CCNYL1: variants seen among roughly 807,000 people sequenced by gnomAD.
CCNYL1 encodes the protein cyclin Y like 1, also known as cyclin-Y-like protein 1.
A neutral mutation model predicts 44.2 loss-of-function variants in CCNYL1; 16 were observed. The observed-to-expected ratio is 0.36, with a 90% CI of 0.25 to 0.55. CCNYL1 has a LOEUF of 0.55. Among genes scored for constraint, CCNYL1 ranks in the 20% least tolerant of loss-of-function variants. The pLI, the probability that CCNYL1 is intolerant of heterozygous loss-of-function variation, is 0.85. For missense variants in CCNYL1, 348 were observed against 451.8 expected, an observed-to-expected ratio of 0.77 and a Z score of 2.08; for synonymous variants, 159 against 163.2, an observed-to-expected ratio of 0.97 and a Z score of 0.20.
rs1259594808 is a variant in CCNYL1 at position 207,756,071 on chromosome 2, T to C, written c.*2373T>C. 6.6e-6 allele frequency: 1 copy of C among 152,214 alleles called. No homozygotes were observed. The highest frequency in any genetic ancestry group is 1.5e-5 in the Non-Finnish European group (1 of 68,024). The allele number at this position is 152,214 out of a possible 1,614,324, so 9.4% of individuals were successfully genotyped here. On this transcript the variant is annotated 3_prime_UTR_variant, in exon 10 of 10. Transcript: ENST00000295414. ...TTTATGGAATTCAGAGTTTGGAGATTCAAGTATTGATTGCAGTTTTATTTT... is the reference window on the plus strand; with the variant it reads ...TTTATGGAATTCAGAGTTTGGAGATCCAAGTATTGATTGCAGTTTTATTTT...
At chr2:207,751,725 A>T (rs912077928) in intron 9 of CCNYL1, among the ~76,000 whole-genome samples, 9 of 152,126 alleles carry the variant, frequency 5.9e-5, no homozygotes, top group Non-Finnish European at 1.0e-4. Flanking sequence ...GTGGTGGCGC[A>T]TGCCTGTAAT....
At chr2:207,738,324 G>A (rs1028765231) in intron 5 of CCNYL1, among the ~76,000 whole-genome samples, 5 of 152,078 alleles carry the variant, frequency 3.3e-5, no homozygotes, top group Non-Finnish European at 7.4e-5. Context: ...AAGTTCAAGC[G>A]ATTCTCCTGC....
chr2:207,717,828 G>T (rs1038113060), intron 1 of CCNYL1, among the ~76,000 whole-genome samples: 2 of 152,078 alleles, frequency 1.3e-5, no homozygotes, highest in African/African-American at 4.8e-5. Context: ...TGTGTATAGT[G>T]GGCCTTGGCA....
chr2:207,738,092 G>A (rs191334215), intron 5 of CCNYL1, among the ~76,000 whole-genome samples: 1 of 152,146 alleles, frequency 6.6e-6, no homozygotes, highest in East Asian at 1.9e-4. Flanking sequence ...GTGCACCCTG[G>A]TAGTGAGCTG....
chr2:207,719,076 G>A (rs1317796401), intron 1 of CCNYL1, among the ~76,000 whole-genome samples: 1 of 151,798 alleles, frequency 6.6e-6, no homozygotes, highest in African/African-American at 2.4e-5. Context: ...AGTAATGTAT[G>A]AAATAATATG....
chr2:207,728,276 T>A (rs534807767), intron 3 of CCNYL1, among the ~76,000 whole-genome samples: 4,226 of 144,428 alleles, frequency 0.029, 89 homozygotes, highest in Non-Finnish European at 0.046. Flanking sequence ...TTTTTTTTTT[T>A]CTTTTTTTCT....
intron 3 of CCNYL1, among the ~76,000 whole-genome samples, chr2:207,730,385 C>A (rs1559167879): frequency 6.6e-6 from 1 of 152,202 alleles, no homozygotes; most frequent in African/African-American, 2.4e-5. Flanking sequence ...GTTCCAGTCA[C>A]TCTCTGTAGG....
At chr2:207,752,987 T>C (rs1342976731) in intron 9 of CCNYL1, among the ~76,000 whole-genome samples, 3 of 150,040 alleles carry the variant, frequency 2.0e-5, no homozygotes, top group African/African-American at 7.4e-5. Flanking sequence ...TGCAATGAGC[T>C]GAGATCACTC....
At chr2:207,750,190 A>G (rs544083774) in intron 8 of CCNYL1, among the ~76,000 whole-genome samples, 103 of 152,316 alleles carry the variant, frequency 6.8e-4, no homozygotes, top group African/African-American at 2.4e-3. Context: ...GTGACCTACC[A>G]TAAGTCATAT....
chr2:207,737,263 A>C lies in CCNYL1; in HGVS notation c.432-148A>C, dbSNP rs1034143086. On this transcript the variant is annotated intron_variant, in intron 4 of 9. Transcript: ENST00000295414. ...ATTTTTGCTGAAAGGAACTAAAACA[A>C]GGGGAAAGTACCCATATGGTACTGT... The C allele has an allele frequency of 6.2e-6, 4 of 643,730 alleles. No homozygotes were observed. The African/African-American group carries it at 7.5e-5, about 12-fold the overall frequency. 39.9% of individuals were successfully genotyped at this position (643,730 alleles called of 1,614,324 possible). A position where few individuals can be genotyped will look rare whatever the true frequency, so the allele number is the denominator to read the frequency against.
Position 207,742,075 on chromosome 2 carries a change from C to T in CCNYL1, c.520-148C>T, listed in dbSNP as rs370002314. On this transcript the variant is annotated intron_variant, in intron 6 of 9. Coordinates refer to ENST00000295414, the MANE Select transcript of CCNYL1 (RefSeq NM_001330218.2). ...CTGAGGCAGGAGAATCACTTAAACC[C>T]GGGGGGTAGAGGTTGCAGTGAGCCA... 98 of 615,586 alleles carry T rather than the reference C, an allele frequency of 1.6e-4. No homozygotes were observed. The African/African-American group carries it at 1.6e-3, about 10-fold the overall frequency. The allele number at this position is 615,586 out of a possible 1,614,324, so 38.1% of individuals were successfully genotyped here. A position where few individuals can be genotyped will look rare whatever the true frequency, so the allele number is the denominator to read the frequency against.
intron 6 of CCNYL1, 98 bp downstream of exon 6, chr2:207,740,804 T>C: frequency 1.4e-6 from 1 of 708,242 alleles, no homozygotes; most frequent in South Asian, 1.7e-5. Context: ...ATACATGATC[T>C]CTATGAAGAT....
intron 6 of CCNYL1, among the ~76,000 whole-genome samples, chr2:207,740,974 G>T (rs1269099773): frequency 2.0e-5 from 3 of 152,176 alleles, no homozygotes; most frequent in African/African-American, 7.2e-5. Flanking sequence ...TATTTTTTCA[G>T]GCCGGGCACG....
At position 207,744,228 on chromosome 2, in the gene CCNYL1, T is replaced by TTGTGTGTGTGTG. The variant is rs61530643; in HGVS notation, c.639+1896_639+1907dup. On this transcript the variant is annotated intron_variant, in intron 7 of 9. Coordinates refer to ENST00000295414, the MANE Select transcript of CCNYL1 (RefSeq NM_001330218.2). ...AGTGCCAAGACTAGACAGGAACATT[T>TTGTGTGTGTGTG]TGTGTGTGTGTGTGTGTGTGTTCAA... Among the ~76,000 whole-genome samples, 26 of 150,334 alleles carry TTGTGTGTGTGTG rather than the reference T, an allele frequency of 1.7e-4. No individual in the cohort carries two copies. The South Asian group carries it at 2.3e-3, about 13-fold the overall frequency.
intron 1 of CCNYL1, among the ~76,000 whole-genome samples, chr2:207,712,622 G>T (rs2091559883): frequency 6.6e-6 from 1 of 152,108 alleles, no homozygotes; most frequent in South Asian, 2.1e-4. Flanking sequence ...CCAGATGTTT[G>T]AGGATTTCTT....
chr2:207,717,944 G>T (rs528656298), intron 1 of CCNYL1, among the ~76,000 whole-genome samples: 1 of 141,578 alleles, frequency 7.1e-6, no homozygotes, highest in Admixed American at 7.5e-5. Flanking sequence ...TCACTGTGTC[G>T]CCCAGGTTGA....
intron 1 of CCNYL1, chr2:207,714,489 G>A: frequency 3.1e-6 from 1 of 324,188 alleles, no homozygotes. Context: ...ATTCATTTCA[G>A]TGGATAAGAA....
At chr2:207,742,754 A>T (rs575870463) in intron 7 of CCNYL1, among the ~76,000 whole-genome samples, 8 of 152,224 alleles carry the variant, frequency 5.3e-5, no homozygotes, top group South Asian at 2.1e-4. Flanking sequence ...GGTATTTCCG[A>T]TATGTGTGGT....
chr2:207,734,666 G>A (rs200193599), intron 4 of CCNYL1, among the ~76,000 whole-genome samples: 1 of 152,110 alleles, frequency 6.6e-6, no homozygotes, highest in East Asian at 1.9e-4. Flanking sequence ...TCAGAACACC[G>A]TTGGGAAGTG....
Sources: gnomAD v4.1 joint callset for allele counts (sites outside exome capture counted in the v4.1 genomes callset) on GRCh38, gnomAD v4.1.1 for gene constraint, MANE v1.5 for transcripts, NCBI Gene and HGNC (gene_info 2026-07-23, HGNC 2026-07-21) for gene names.